The following ACHE variants were observed in gnomAD, a reference collection of about 807,000 sequenced individuals.
The protein encoded by ACHE is acetylcholinesterase (Yt blood group).
Under a neutral mutation model 53.9 loss-of-function variants are expected in ACHE, and 19 were observed. The observed-to-expected ratio is 0.35, with a 90% confidence interval of 0.25 to 0.52. ACHE has a LOEUF of 0.52. Among genes scored for constraint, ACHE ranks in the 20% least tolerant of loss-of-function variants. ACHE has a pLI of 0.95. For missense variants in ACHE, 605 were observed against 849.4 expected (o/e 0.71, Z 3.58); for synonymous variants, 392 against 378.1 (o/e 1.04, Z -0.43).
chr7:100,892,630 G>A lies in ACHE; in HGVS notation c.1257C>T (p.Pro419=), dbSNP rs199872491. 12 of 1,613,202 alleles carry A rather than the reference G, an allele frequency of 7.4e-6. No individual in the cohort carries two copies. The highest frequency in any genetic ancestry group is 3.3e-5 in the South Asian group (3 of 91,036). Residue 419 remains proline, a synonymous_variant, in exon 3 of 5, where the codon CCC becomes CCT. Transcript: ENST00000241069. The surrounding 1 kb of genome is among the most constrained non-coding windows in gnomAD (Gnocchi z 5.2). ...CCTCCCTCAGGCGTGCCGGGTCCTC[G>A]GGATGCAGCCAGTCTGTGTAATGCA... ...VVLHYTDWLH[P]EDPARLREAL...
chr7:100,891,166 T>C lies in ACHE; in HGVS notation c.1723+3A>G. ...CAGCCGCTGCCCGCTGGCCCCTGCA[T>C]ACCGGTGGCGCTGAGCAATTTGGGG... On this transcript the variant is annotated splice_donor_region_variant and intron_variant, in intron 4 of 4. Transcript: ENST00000241069. 1 of 1,601,266 alleles carries C rather than the reference T, an allele frequency of 6.2e-7. No homozygotes were observed. Among genetic ancestry groups the C allele is most frequent in the Non-Finnish European group, 8.5e-7 (1 of 1,174,866 alleles).
upstream of ACHE, chr7:100,896,665 T>C: frequency 3.4e-6 from 1 of 298,344 alleles, no homozygotes; most frequent in South Asian, 2.3e-5. Flanking sequence ...GCTGGTTCCC[T>C]GACGGGTGAC....
In ACHE at chr7:100,894,259, G is replaced by A; in HGVS notation, c.-20-7C>T. The stretch of plus-strand genomic sequence containing the variant: ...GCTGCAGGGCAGGCGGCGTCTGCTG[G>A]GAGAAAGAAAGGGAAAGGGTGAAGG... On this transcript the variant is annotated splice_polypyrimidine_tract_variant and splice_region_variant and intron_variant, in intron 1 of 4. Transcript: ENST00000241069. 2.1e-6 allele frequency: 3 copies of A among 1,420,294 alleles called. No individual in the cohort carries two copies. Among genetic ancestry groups the A allele is most frequent in the East Asian group, 5.2e-5 (2 of 38,760 alleles). The allele number at this position is 1,420,294 out of a possible 1,614,324, so 88.0% of individuals were successfully genotyped here.
chr7:100,891,780 T>TC (rs1421549330), intron 3 of ACHE, among the ~76,000 whole-genome samples: 1 of 126,366 alleles, frequency 7.9e-6, no homozygotes, highest in East Asian at 2.8e-4. Context: ...TGTCTTGGTC[T>TC]CCCTTTTTTT....
In ACHE at chr7:100,890,085, G is replaced by T. The variant is rs1790569551; in HGVS notation, c.*129C>A. ...GACATGCAGAGGACCGGGAGCCCCG[G>T]GGGACGTCGGGGTGGGGTGGGGATG... is the stretch of plus-strand genomic sequence containing the variant. On this transcript the variant is annotated 3_prime_UTR_variant, in exon 5 of 5. Transcript: ENST00000241069. The T allele has an allele frequency of 8.5e-7, 1 of 1,177,810 alleles. No homozygotes were observed. Among genetic ancestry groups the T allele is most frequent in the Admixed American group, 2.4e-5 (1 of 41,526 alleles). The allele number at this position is 1,177,810 out of a possible 1,614,324, so 73.0% of individuals were successfully genotyped here.
chr7:100,892,529 C>T lies in ACHE; in HGVS notation c.1358G>A (p.Gly453Asp). Reference protein sequence around the residue: ...AQLAGRLAAQGARVYAYVFEH... With the variant: ...AQLAGRLAAQDARVYAYVFEH... ...AAAGACGTAGGCGTAGACCCGGGCA[C>T]CCTGGGCAGCCAGTCGCCCAGCCAG... is the stretch of plus-strand genomic sequence containing the variant. The change falls in exon 3 of 5, where the codon GGT becomes GAT. Residue 453 changes from glycine to aspartate, a missense_variant. Transcript: ENST00000241069. This position sits in a 1 kb window ranked among gnomAD's most constrained non-coding sequence, Gnocchi z 5.2. 6.2e-7 allele frequency: 1 copy of T among 1,609,348 alleles called. No individual in the cohort carries two copies. Among genetic ancestry groups the T allele is most frequent in the Non-Finnish European group, 8.5e-7 (1 of 1,176,802 alleles).
chr7:100,893,712 C>G lies in ACHE; in HGVS notation c.521G>C (p.Arg174Thr), dbSNP rs749124795. The change falls in exon 2 of 5, where the codon AGG (arginine) becomes ACG (threonine). Residue 174 changes from arginine (R) to threonine (T), a missense_variant. Coordinates refer to ENST00000241069, the MANE Select transcript of ACHE (RefSeq NM_000665.5). ...YDGRFLVQAE[R>T]TVLVSMNYRV... is the part of the protein sequence containing the mutation. ...GTAGTTCATGGACACCAGCACAGTC[C>G]TCTCGGCCTGTACCAAGAAGCGGCC... 2 of 1,613,536 alleles carry G rather than the reference C, an allele frequency of 1.2e-6. No individual in the cohort carries two copies. The highest frequency in any genetic ancestry group is 2.7e-5 in the African/African-American group (2 of 75,078).
intron 3 of ACHE, among the ~76,000 whole-genome samples, chr7:100,891,928 G>C (rs550960453): frequency 1.3e-5 from 2 of 151,842 alleles, no homozygotes; most frequent in Admixed American, 1.3e-4. Flanking sequence ...CTAGAGGCAC[G>C]AGCCACCGTG....
At position 100,891,357 on chromosome 7, in the gene ACHE, G is replaced by A. The variant is rs1223127873; in HGVS notation, c.1554-19C>T. ...GGGATCCCTGCGGAAGGAAGGGAAG[G>A]CTCAGTCCAGACGGGCAGTGGGAGG... On this transcript the variant is annotated intron_variant, in intron 3 of 4. Transcript: ENST00000241069. 2.0e-6 allele frequency: 3 copies of A among 1,524,200 alleles called. No homozygotes were observed. The highest frequency in any genetic ancestry group is 1.8e-6 in the Non-Finnish European group (2 of 1,141,048). The allele number at this position is 1,524,200 out of a possible 1,614,324, so 94.4% of individuals were successfully genotyped here. A position where few individuals can be genotyped will look rare whatever the true frequency, so the allele number is the denominator to read the frequency against.
At chr7:100,891,968 T>C (rs1261116592) in intron 3 of ACHE, among the ~76,000 whole-genome samples, 1 of 151,822 alleles carries the variant, frequency 6.6e-6, no homozygotes, top group East Asian at 1.9e-4. Context: ...TTTTTTCTTT[T>C]TAAGAGTCGG....
In ACHE at chr7:100,892,245, T is replaced by A; in HGVS notation, c.1553+89A>T. On this transcript the variant is annotated intron_variant, in intron 3 of 4. Transcript: ENST00000241069. This position sits in a 1 kb window ranked among gnomAD's most constrained non-coding sequence, Gnocchi z 5.2. The stretch of plus-strand genomic sequence containing the variant: ...TTCTATCCTGCCCCTGTCCCACCCG[T>A]CCTTTCTGTCTCCGTGTGTCTGCCT... The A allele has an allele frequency of 7.0e-7, 1 of 1,429,964 alleles. No individual in the cohort carries two copies. The highest frequency in any genetic ancestry group is 9.2e-7 in the Non-Finnish European group (1 of 1,085,104). The allele number at this position is 1,429,964 out of a possible 1,614,324, so 88.6% of individuals were successfully genotyped here. A position where few individuals can be genotyped will look rare whatever the true frequency, so the allele number is the denominator to read the frequency against.
intron 4 of ACHE, 26 bp from the exon 5 acceptor site, chr7:100,890,361 G>T: frequency 1.3e-6 from 2 of 1,596,758 alleles, no homozygotes; most frequent in Non-Finnish European, 8.5e-7. Flanking sequence ...CCAGCGAGGC[G>T]GGAGGGGAGG....
chr7:100,891,065 G>A (rs1260676628), intron 4 of ACHE, 104 bp downstream of exon 4: 1 of 1,502,996 alleles, frequency 6.7e-7, no homozygotes. Context: ...GTGAAGCCTG[G>A]GCAGGTGCTG....
chr7:100,894,803 C>T (rs1269664689), intron 1 of ACHE, among the ~76,000 whole-genome samples: 1 of 152,146 alleles, frequency 6.6e-6, no homozygotes, highest in Admixed American at 6.5e-5. Context: ...AACCCTGCCC[C>T]TTCTCATCCA....
rs1416431284 is a variant in ACHE at position 100,890,182 on chromosome 7, G to GC, written c.*31dup. Reference sequence around the variant, plus strand: ...ATAGTATATACAGCTAGGGGGCCGGGCGGAGCGGAGGACATGGGGGTCCCG... The same window carrying GC: ...ATAGTATATACAGCTAGGGGGCCGGGCCGGAGCGGAGGACATGGGGGTCCCG... On this transcript the variant is annotated 3_prime_UTR_variant, in exon 5 of 5. Transcript: ENST00000241069. 1.9e-6 allele frequency: 3 copies of GC among 1,612,484 alleles called. No homozygotes were observed. The highest frequency in any genetic ancestry group is 1.7e-6 in the Non-Finnish European group (2 of 1,178,706).
At position 100,891,186 on chromosome 7, in the gene ACHE, T is replaced by C. The variant is rs1790664634; in HGVS notation, c.1706A>G (p.Lys569Arg). 3 of 1,608,616 alleles carry C rather than the reference T, an allele frequency of 1.9e-6. No homozygotes were observed. Among genetic ancestry groups the C allele is most frequent in the South Asian group, 1.1e-5 (1 of 90,642 alleles). ...ACAFWNRFLP[K>R]LLSATDTLDE... ...CTGCATACCGGTGGCGCTGAGCAAT[T>C]TGGGGAGGAAGCGGTTCCAGAAGGC... Residue 569 changes from lysine (K) to arginine (R), a missense_variant, in exon 4 of 5, where the codon AAA becomes AGA. By Grantham distance (26) the Lys-to-Arg change is conservative (BLOSUM62 2). This residue lies in a region of ACHE where 91 missense variants were observed against 83.2 expected (regional missense o/e 1.09). Transcript: ENST00000241069.
upstream of ACHE, chr7:100,896,626 AC>A (rs200593981): frequency 5.2e-3 from 1,395 of 270,514 alleles, 60 homozygotes; most frequent in Admixed American, 0.061. Context: ...GGCAGTGGAA[AC>A]TTCTGGAACC....
rs778919523 is a variant in ACHE at position 100,893,719 on chromosome 7, C to T, written c.514G>A (p.Ala172Thr). 4.3e-6 allele frequency: 7 copies of T among 1,613,510 alleles called. No individual in the cohort carries two copies. The highest frequency in any genetic ancestry group is 1.6e-4 in the Middle Eastern group (1 of 6,062). ...ATGGACACCAGCACAGTCCTCTCGG[C>T]CTGTACCAAGAAGCGGCCATCGTAC... ...DVYDGRFLVQ[A>T]ERTVLVSMNY... Residue 172 changes from alanine to threonine, a missense_variant, in exon 2 of 5, where the codon GCC (alanine) becomes ACC (threonine). By Grantham distance (58) the Ala-to-Thr change is moderately conservative. Coordinates refer to ENST00000241069, the MANE Select transcript of ACHE (RefSeq NM_000665.5).
Position 100,891,212 on chromosome 7 carries a change from G to A in ACHE, c.1680C>T (p.Cys560=), listed in dbSNP as rs772194902. ...EVRRGLRAQA[C]AFWNRFLPKL... is the part of the protein sequence containing the mutation. ...TGGGGAGGAAGCGGTTCCAGAAGGC[G>A]CAGGCCTGGGCGCGCAGCCCCCGCC... Residue 560 remains cysteine, a synonymous_variant, in exon 4 of 5, where the codon TGC becomes TGT. Coordinates refer to ENST00000241069, the MANE Select transcript of ACHE (RefSeq NM_000665.5). 3 of 1,609,364 alleles carry A rather than the reference G, an allele frequency of 1.9e-6. No homozygotes were observed. Among genetic ancestry groups the A allele is most frequent in the Middle Eastern group, 3.8e-4 (2 of 5,294 alleles).
Sources: gnomAD v4.1 joint callset for allele counts (sites outside exome capture counted in the v4.1 genomes callset) on GRCh38, gnomAD v4.1.1 for gene constraint, gnomAD v4.1.1 regional missense constraint, Gnocchi (gnomAD v3.1) non-coding constraint, MANE v1.5 for transcripts, NCBI Gene and HGNC (gene_info 2026-07-23, HGNC 2026-07-21) for gene names.